The following NOP9 variants were observed in gnomAD, a reference collection of about 807,000 sequenced individuals.
NOP9 encodes the protein NOP9 nucleolar protein.
Under a neutral mutation model 63.0 loss-of-function variants are expected in NOP9, and 50 were observed. The observed-to-expected ratio is 0.79, with a 90% CI of 0.63 to 1.00. The LOEUF (loss-of-function observed/expected upper bound fraction) is 1.00. NOP9 is among the 50% of genes least tolerant of loss of function. The probability of loss-of-function intolerance (pLI) is 0.00; values close to 1 mark genes in which losing one functional copy is unlikely to be tolerated. For missense variants in NOP9, 758 were observed against 803.0 expected (o/e 0.94, Z 0.68); for synonymous variants, 343 against 332.8 (o/e 1.03, Z -0.33).
chr14:24,289,153 T>A, the NOP9 span, among the ~76,000 whole-genome samples: 8 of 152,100 alleles, frequency 5.3e-5, no homozygotes, highest in Admixed American at 5.2e-4. Flanking sequence ...ATTTTTTTTC[T>A]TTGTATTTTT....
At chr14:24,292,336 G>C in the NOP9 span, 1 of 1,613,840 alleles carries the variant, frequency 6.2e-7, no homozygotes, top group Non-Finnish European at 8.5e-7. Flanking sequence ...TCACACTGTG[G>C]AGAGGCGGAA....
the NOP9 span, among the ~76,000 whole-genome samples, chr14:24,278,102 C>T: frequency 6.6e-6 from 1 of 152,136 alleles, no homozygotes; most frequent in Non-Finnish European, 1.5e-5. Context: ...TAACTCTGAC[C>T]ATCGCAGAGC....
intron 8 of NOP9, 30 bp from the exon 9 acceptor site, chr14:24,304,463 G>A: frequency 6.4e-7 from 1 of 1,560,018 alleles, no homozygotes. Flanking sequence ...GATTTTGCTA[G>A]GGAGACCTAC....
rs917368579 is a variant in NOP9, at chr14:24,308,285, G to C, written c.*3190G>C. 4.2e-6 allele frequency: 1 copy of C among 240,664 alleles called. No individual in the cohort carries two copies. The highest frequency in any genetic ancestry group is 2.2e-5 in the African/African-American group (1 of 44,498). 14.9% of individuals were successfully genotyped at this position (240,664 alleles called of 1,614,324 possible). A position where few individuals can be genotyped will look rare whatever the true frequency, so the allele number is the denominator to read the frequency against. On this transcript the variant is annotated 3_prime_UTR_variant, in exon 10 of 10. Coordinates refer to ENST00000267425, the MANE Select transcript of NOP9 (RefSeq NM_174913.3). ...GCTCTGTGTGTGCTGCCACCTACTG[G>C]AGAAGCCATAAGCTGCAGCTTTAGG...
At chr14:24,283,303 A>G in the NOP9 span, among the ~76,000 whole-genome samples, 282 of 152,266 alleles carry the variant, frequency 1.9e-3, no homozygotes, top group Admixed American at 5.4e-3. Flanking sequence ...AAATCTAGTC[A>G]TCAAGGCCAG....
At chr14:24,284,019 G>A in the NOP9 span, among the ~76,000 whole-genome samples, 9 of 152,216 alleles carry the variant, frequency 5.9e-5, no homozygotes, top group South Asian at 2.1e-4. Context: ...GTGTTGGGGG[G>A]AACTGAGTGG....
chr14:24,279,880 G>A, the NOP9 span, among the ~76,000 whole-genome samples: 2 of 152,238 alleles, frequency 1.3e-5, no homozygotes, highest in African/African-American at 2.4e-5. Flanking sequence ...TCTATGTCAA[G>A]TGAGAAGCAG....
Position 24,306,069 on chromosome 14 carries a change from G to A in NOP9, c.*974G>A, listed in dbSNP as rs1042635167. ...GAGGGTTTTGCTTGTACACGTCAAA[G>A]GTGAATCGGGCGATGTCCTTGCTGT... is the stretch of plus-strand genomic sequence containing the variant. On this transcript the variant is annotated 3_prime_UTR_variant, in exon 10 of 10. Transcript: ENST00000267425. 1 of 1,614,072 alleles carries A rather than the reference G, an allele frequency of 6.2e-7. No homozygotes were observed.
Position 24,308,656 on chromosome 14 carries a change from A to G in NOP9, c.*3561A>G, listed in dbSNP as rs2041595581. 6.6e-6 allele frequency: 1 copy of G among 152,240 alleles called. No homozygotes were observed. Among genetic ancestry groups the G allele is most frequent in the African/African-American group, 2.4e-5 (1 of 41,432 alleles). 9.4% of individuals were successfully genotyped at this position (152,240 alleles called of 1,614,324 possible). Reference sequence around the variant, plus strand: ...AGGGATGTCCTTTGATGGCATCAAGACTTTAGCTTCTGGTGCGCTGTGTCC... The same window carrying G: ...AGGGATGTCCTTTGATGGCATCAAGGCTTTAGCTTCTGGTGCGCTGTGTCC... On this transcript the variant is annotated 3_prime_UTR_variant, in exon 10 of 10. Transcript: ENST00000267425.
the NOP9 span, among the ~76,000 whole-genome samples, chr14:24,287,247 G>A: frequency 6.6e-6 from 1 of 152,204 alleles, no homozygotes. Context: ...ACTGCCTTTG[G>A]CCTCCTGGAC....
Position 24,299,866 on chromosome 14 carries a change from T to A in NOP9, c.-89T>A, listed in dbSNP as rs2041333294. ...CAGGAGCGCGCCCGCGTTTCTAAAC[T>A]TTGTCTGGATAAGGCGCACGCTTGG... On this transcript the variant is annotated 5_prime_UTR_variant, in exon 1 of 10. Coordinates refer to ENST00000267425, the MANE Select transcript of NOP9 (RefSeq NM_174913.3). 1.0e-5 allele frequency: 15 copies of A among 1,451,942 alleles called. No individual in the cohort carries two copies. The South Asian group carries it at 1.3e-4, about 13-fold the overall frequency. 89.9% of individuals were successfully genotyped at this position (1,451,942 alleles called of 1,614,324 possible).
At chr14:24,292,794 G>A in the NOP9 span, 3 of 1,608,448 alleles carry the variant, frequency 1.9e-6, no homozygotes, top group Non-Finnish European at 2.5e-6. Flanking sequence ...TCTAGAAGGT[G>A]GGGCAAGGGA....
In NOP9 at chr14:24,302,215, G is replaced by A; in HGVS notation, c.951-17G>A. 6.2e-7 allele frequency: 1 copy of A among 1,605,316 alleles called. No individual in the cohort carries two copies. Among genetic ancestry groups the A allele is most frequent in the Non-Finnish European group, 8.5e-7 (1 of 1,172,910 alleles). On this transcript the variant is annotated splice_polypyrimidine_tract_variant and intron_variant, in intron 4 of 9. Transcript: ENST00000267425. ...TGAAATGGAGTTAAGACTGCCTGAT[G>A]CCCTTCTTGTCCCTAGTCCCCTACT... is the stretch of plus-strand genomic sequence containing the variant.
chr14:24,305,761 G>A lies in NOP9; in HGVS notation c.*666G>A. The A allele has an allele frequency of 6.2e-7, 1 of 1,613,200 alleles. No homozygotes were observed. Among genetic ancestry groups the A allele is most frequent in the East Asian group, 2.2e-5 (1 of 44,866 alleles). ...AGCAGTGTGGAGGTCCAACGAAGGA[G>A]CTCCCTGAATGGCAGAGACAAGAGG... On this transcript the variant is annotated 3_prime_UTR_variant, in exon 10 of 10. Transcript: ENST00000267425.
At chr14:24,290,748 TTCATA>T in the NOP9 span, 3 of 1,415,276 alleles carry the variant, frequency 2.1e-6, no homozygotes, top group Non-Finnish European at 2.9e-6. Flanking sequence ...AGGGCTTCTC[TTCATA>T]TCAAGGGTAT....
chr14:24,302,483 T>A, intron 5 of NOP9, 59 bp downstream of exon 5: 1 of 1,487,396 alleles, frequency 6.7e-7, no homozygotes, highest in Non-Finnish European at 9.2e-7. Flanking sequence ...TGGACCTTAT[T>A]TTATGGTCTG....
the NOP9 span, chr14:24,293,989 TG>T: frequency 1.3e-5 from 2 of 151,810 alleles, no homozygotes; most frequent in Non-Finnish European, 2.9e-5. Flanking sequence ...GTCAAATCAG[TG>T]GGGGAAAGTT....
Position 24,307,638 on chromosome 14 carries a change from T to G in NOP9, c.*2543T>G. On this transcript the variant is annotated 3_prime_UTR_variant, in exon 10 of 10. Transcript: ENST00000267425. ...GAGATCTAGGTTTATCGATTAGGGATGAGGGAGAGACCATGGAGTGCAGGT... is the reference window on the plus strand; with the variant it reads ...GAGATCTAGGTTTATCGATTAGGGAGGAGGGAGAGACCATGGAGTGCAGGT... 8.1e-7 allele frequency: 1 copy of G among 1,231,938 alleles called. No homozygotes were observed. Among genetic ancestry groups the G allele is most frequent in the South Asian group, 1.4e-5 (1 of 72,782 alleles). The allele number at this position is 1,231,938 out of a possible 1,614,324, so 76.3% of individuals were successfully genotyped here.
chr14:24,282,422 G>A, the NOP9 span, among the ~76,000 whole-genome samples: 1 of 152,116 alleles, frequency 6.6e-6, no homozygotes, highest in Admixed American at 6.5e-5. Context: ...AGAGTGTTTG[G>A]GCGTTGCAGG....
Sources: allele counts gnomAD v4.1 joint callset (sites outside exome capture counted in the v4.1 genomes callset), GRCh38; gene constraint gnomAD v4.1.1; transcripts MANE v1.5; gene names NCBI Gene and HGNC (gene_info 2026-07-23, HGNC 2026-07-21).